Variants in SETD6 observed in about 807,000 individuals in gnomAD.
The protein encoded by SETD6 is SET domain containing 6, protein lysine methyltransferase, also known as N-lysine methyltransferase SETD6.
Under a neutral mutation model 52.7 loss-of-function variants are expected in SETD6, and 67 were observed. The observed-to-expected ratio is 1.27, with a 90% CI of 1.04 to 1.56. The LOEUF is 1.56. SETD6 is among the 40% of genes most tolerant of loss of function. The pLI is 0.00. For missense variants in SETD6, 712 were observed against 607.5 expected, an observed-to-expected ratio of 1.17 and a Z score of -1.81; for synonymous variants, 307 against 250.2, an observed-to-expected ratio of 1.23 and a Z score of -2.14.
In SETD6 at chr16:58,515,537, C is replaced by T. The variant is rs1029031036; in HGVS notation, c.-1C>T. On this transcript the variant is annotated 5_prime_UTR_variant, in exon 1 of 8. Transcript: ENST00000219315. ...CCCGCGAGGAAACGCGCTCTTAGAC[C>T]ATGGCGACCCAGGCGAAGCGTCCAC... is the stretch of plus-strand genomic sequence containing the variant. 2 of 1,588,298 alleles carry T rather than the reference C, an allele frequency of 1.3e-6. No individual in the cohort carries two copies. Among genetic ancestry groups the T allele is most frequent in the African/African-American group, 2.7e-5 (2 of 73,026 alleles).
At position 58,521,057 on chromosome 16, in the gene SETD6, C is replaced by A. The variant is rs757513240; in HGVS notation, c.*2028C>A. On this transcript the variant is annotated 3_prime_UTR_variant, in exon 8 of 8. Coordinates refer to ENST00000219315, the MANE Select transcript of SETD6 (RefSeq NM_001160305.4). Reference sequence around the variant, plus strand: ...ATAACCTGAAGGATGAAGACAGTTACAAATCTCTGATTAAAGAGTAGGCCT... The same window carrying A: ...ATAACCTGAAGGATGAAGACAGTTAAAAATCTCTGATTAAAGAGTAGGCCT... 5.6e-6 allele frequency: 9 copies of A among 1,613,996 alleles called. No individual in the cohort carries two copies. Among genetic ancestry groups the A allele is most frequent in the South Asian group, 3.3e-5 (3 of 91,090 alleles).
chr16:58,519,187 G>A lies in SETD6; in HGVS notation c.*158G>A. ...GGTGTGCTAGGATTAACTCAGGTAA[G>A]GGTGATGTGTTTTAGGATTGAGAAC... On this transcript the variant is annotated 3_prime_UTR_variant, in exon 8 of 8. Transcript: ENST00000219315. 3 of 682,868 alleles carry A rather than the reference G, an allele frequency of 4.4e-6. No individual in the cohort carries two copies. In the South Asian group the frequency reaches 5.9e-5, roughly 14 times the overall value. The allele number at this position is 682,868 out of a possible 1,614,324, so 42.3% of individuals were successfully genotyped here.
chr16:58,516,124 T>TGGGGC (rs751813435), intron 2 of SETD6, 27 bp downstream of exon 2: 42,921 of 410,176 alleles, frequency 0.1, 2,199 homozygotes, highest in African/African-American at 0.27. Context: ...GCTAGGGCCC[T>TGGGGC]GGGGCGGGGC....
At position 58,520,663 on chromosome 16, in the gene SETD6, C is replaced by T; in HGVS notation, c.*1634C>T. 2 of 415,222 alleles carry T rather than the reference C, an allele frequency of 4.8e-6. No homozygotes were observed. Among genetic ancestry groups the T allele is most frequent in the Non-Finnish European group, 8.9e-6 (2 of 223,840 alleles). The allele number at this position is 415,222 out of a possible 1,614,324, so 25.7% of individuals were successfully genotyped here. On this transcript the variant is annotated 3_prime_UTR_variant, in exon 8 of 8. Transcript: ENST00000219315. ...GTTTATGTACTTGCCTTGGACACAG[C>T]TTGCACAAAGCCAAGAAGTTCCAGA... is the stretch of plus-strand genomic sequence containing the variant.
chr16:58,520,287 A>C lies in SETD6; in HGVS notation c.*1258A>C, dbSNP rs527946873. ...TAGGCCTGGTCTGGTTTCCCTTTAT[A>C]TAAAGAGCTGACCCCCATCTCAGGC... On this transcript the variant is annotated 3_prime_UTR_variant, in exon 8 of 8. Coordinates refer to ENST00000219315, the MANE Select transcript of SETD6 (RefSeq NM_001160305.4). The C allele has an allele frequency of 2.0e-5, 3 of 152,272 alleles. No homozygotes were observed. Among genetic ancestry groups the C allele is most frequent in the Admixed American group, 6.5e-5 (1 of 15,284 alleles). The allele number at this position is 152,272 out of a possible 1,614,324, so 9.4% of individuals were successfully genotyped here.
chr16:58,518,728 T>C lies in SETD6; in HGVS notation c.1121T>C (p.Leu374Pro), dbSNP rs956136629. The C allele has an allele frequency of 1.5e-5, 25 of 1,613,370 alleles. No individual in the cohort carries two copies. The highest frequency in any genetic ancestry group is 2.0e-5 in the Non-Finnish European group (24 of 1,179,734). The change falls in exon 8 of 8, where the codon CTG becomes CCG. Residue 374 changes from leucine to proline, a missense_variant. Leu to Pro is a moderately conservative substitution (Grantham distance 98, BLOSUM62 -3). Transcript: ENST00000219315. Reference protein sequence around the residue: ...EEELTTTLKVLCMPAEEFREL... With the variant: ...EEELTTTLKVPCMPAEEFREL... ...GAGCTCTGTGGTTGCTTCTAGGTAC[T>C]GTGCATGCCTGCTGAGGAGTTCAGA...
At position 58,515,560 on chromosome 16, in the gene SETD6, C is replaced by A; in HGVS notation, c.23C>A (p.Pro8Gln). The A allele has an allele frequency of 6.3e-7, 1 of 1,586,958 alleles. No individual in the cohort carries two copies. Among genetic ancestry groups the A allele is most frequent in the Admixed American group, 1.7e-5 (1 of 57,788 alleles). Residue 8 changes from proline to glutamine, a missense_variant, in exon 1 of 8, where the codon CCA becomes CAA. Transcript: ENST00000219315. Reference protein sequence around the residue: MATQAKRPRVAGPVDGGD... With the variant: MATQAKRQRVAGPVDGGD... ...ACCATGGCGACCCAGGCGAAGCGTCCACGGGTGAGTGGCGGGCGCGGGGTC... is the reference window on the plus strand; with the variant it reads ...ACCATGGCGACCCAGGCGAAGCGTCAACGGGTGAGTGGCGGGCGCGGGGTC...
chr16:58,516,768 C>A (rs765507593), intron 4 of SETD6, 40 bp from the exon 5 acceptor site: 2 of 1,613,114 alleles, frequency 1.2e-6, no homozygotes, highest in Non-Finnish European at 1.7e-6. Flanking sequence ...CCCAGTCCCT[C>A]ACCCAAGACA....
chr16:58,518,471 A>G lies in SETD6; in HGVS notation c.1044A>G (p.Val348=), dbSNP rs757374904. 6.3e-7 allele frequency: 1 copy of G among 1,589,108 alleles called. No homozygotes were observed. Among genetic ancestry groups the G allele is most frequent in the Non-Finnish European group, 8.5e-7 (1 of 1,174,320 alleles). Residue 348 remains valine, a synonymous_variant, in exon 7 of 8, where the codon GTA becomes GTG. Transcript: ENST00000219315. ...ATTTCCTATGCAAACTGGAGATGGT[A>G]GGGGAAGAGGGAGCCTTTGTGATAG... The part of the protein sequence containing the change: ...RWDFLCKLEM[V]GEEGAFVIGR...
Position 58,516,236 on chromosome 16 carries a change from G to A in SETD6, c.369G>A (p.Val123=). Residue 123 remains valine, a synonymous_variant, in exon 3 of 8, where the codon GTG becomes GTA. Coordinates refer to ENST00000219315, the MANE Select transcript of SETD6 (RefSeq NM_001160305.4). ...RVALQSQSGW[V]PLLLALLHEL... The stretch of plus-strand genomic sequence containing the variant: ...CGCTGCAGAGCCAGTCGGGCTGGGT[G>A]CCACTGCTGCTGGCGCTGCTCCACG... The A allele has an allele frequency of 6.3e-7, 1 of 1,597,708 alleles. No homozygotes were observed. Among genetic ancestry groups the A allele is most frequent in the Non-Finnish European group, 8.5e-7 (1 of 1,179,358 alleles).
At chr16:58,517,746 G>C in intron 5 of SETD6, 1 of 403,464 alleles carries the variant, frequency 2.5e-6, no homozygotes, top group Non-Finnish European at 4.6e-6. Context: ...TAAGTGCTGG[G>C]ATTACAGGTG....
At position 58,523,317 on chromosome 16, in the gene SETD6, A is replaced by T; in HGVS notation, c.*4288A>T. On this transcript the variant is annotated 3_prime_UTR_variant, in exon 8 of 8. Transcript: ENST00000219315. ...AAAGCATAAAGAGGAAAAAAAAAAG[A>T]TGAAAGGGAGGAGATCCTTTTGAAG... 2.0e-6 allele frequency: 3 copies of T among 1,472,036 alleles called. No homozygotes were observed. Among genetic ancestry groups the T allele is most frequent in the Non-Finnish European group, 2.7e-6 (3 of 1,092,584 alleles). 91.2% of individuals were successfully genotyped at this position (1,472,036 alleles called of 1,614,324 possible).
rs369334420 is a variant in SETD6, at chr16:58,515,520, G to T, written c.-18G>T. 3 of 1,581,888 alleles carry T rather than the reference G, an allele frequency of 1.9e-6. No individual in the cohort carries two copies. Among genetic ancestry groups the T allele is most frequent in the Non-Finnish European group, 2.6e-6 (3 of 1,169,108 alleles). On this transcript the variant is annotated 5_prime_UTR_variant, in exon 1 of 8. Transcript: ENST00000219315. Reference sequence around the variant, plus strand: ...ACCGCGCGGTGCGCCGGCCCGCGAGGAAACGCGCTCTTAGACCATGGCGAC... The same window carrying T: ...ACCGCGCGGTGCGCCGGCCCGCGAGTAAACGCGCTCTTAGACCATGGCGAC...
In SETD6 at chr16:58,519,706, G is replaced by C. The variant is rs1597382894; in HGVS notation, c.*677G>C. 1 of 151,478 alleles carries C rather than the reference G, an allele frequency of 6.6e-6. No individual in the cohort carries two copies. Among genetic ancestry groups the C allele is most frequent in the East Asian group, 1.9e-4 (1 of 5,190 alleles). The allele number at this position is 151,478 out of a possible 1,614,324, so 9.4% of individuals were successfully genotyped here. On this transcript the variant is annotated 3_prime_UTR_variant, in exon 8 of 8. Coordinates refer to ENST00000219315, the MANE Select transcript of SETD6 (RefSeq NM_001160305.4). ...ATTAAAACTGGGTATTTTAAACTCA[G>C]CTTAACCAGATAAACCTGCTCCAGC...
Position 58,518,792 on chromosome 16 carries a change from G to A in SETD6, c.1185G>A (p.Arg395=), listed in dbSNP as rs1334839674. The change falls in exon 8 of 8, where the codon AGG becomes AGA. Residue 395 remains arginine, a synonymous_variant. Coordinates refer to ENST00000219315, the MANE Select transcript of SETD6 (RefSeq NM_001160305.4). ...KDQDGGGDDK[R]EEGSLTITNI... The stretch of plus-strand genomic sequence containing the variant: ...AGGATGGAGGGGGAGATGATAAAAG[G>A]GAAGAGGGCAGCCTGACGATCACAA... 1.7e-5 allele frequency: 27 copies of A among 1,614,052 alleles called. No homozygotes were observed. Among genetic ancestry groups the A allele is most frequent in the Non-Finnish European group, 2.1e-5 (25 of 1,180,042 alleles).
In SETD6 at chr16:58,518,604, A is replaced by G. The variant is rs895291025; in HGVS notation, c.1116+61A>G. On this transcript the variant is annotated intron_variant, in intron 7 of 7. Coordinates refer to ENST00000219315, the MANE Select transcript of SETD6 (RefSeq NM_001160305.4). ...TCTAAGTATTTAAAGCAAAATAGCT[A>G]GAAGATGAGAGAGGAAATGTGGGAT... 2.5e-6 allele frequency: 4 copies of G among 1,579,870 alleles called. No individual in the cohort carries two copies. In the African/African-American group the frequency reaches 5.5e-5, roughly 22 times the overall value.
chr16:58,519,310 AG>A lies in SETD6; in HGVS notation c.*282del. 1 of 355,510 alleles carries A rather than the reference AG, an allele frequency of 2.8e-6. No individual in the cohort carries two copies. Among genetic ancestry groups the A allele is most frequent in the Non-Finnish European group, 5.1e-6 (1 of 195,254 alleles). 22.0% of individuals were successfully genotyped at this position (355,510 alleles called of 1,614,324 possible). On this transcript the variant is annotated 3_prime_UTR_variant, in exon 8 of 8. Coordinates refer to ENST00000219315, the MANE Select transcript of SETD6 (RefSeq NM_001160305.4). ...AGCCAGTGGACATACGGTAGTAATA[AG>A]TAAGTCTTGTTGTGTTTCAGCATTT... is the stretch of plus-strand genomic sequence containing the variant.
rs756862154 is a variant in SETD6, at chr16:58,518,119, A to G, written c.861A>G (p.Gln287=). 4.3e-6 allele frequency: 7 copies of G among 1,614,242 alleles called. No individual in the cohort carries two copies. The South Asian group carries it at 7.7e-5, about 18-fold the overall frequency. ...KGHEIFNTYG[Q]MANWQLIHMY... is the part of the protein sequence containing the mutation. The stretch of plus-strand genomic sequence containing the variant: ...ATGAGATTTTCAACACTTATGGGCA[A>G]ATGGCTAACTGGCAACTGATTCATA... Residue 287 remains glutamine, a synonymous_variant, in exon 6 of 8, where the codon CAA becomes CAG. Coordinates refer to ENST00000219315, the MANE Select transcript of SETD6 (RefSeq NM_001160305.4).
At position 58,516,379 on chromosome 16, in the gene SETD6, C is replaced by T. The variant is rs763404809; in HGVS notation, c.476+36C>T. 1.5e-5 allele frequency: 24 copies of T among 1,585,278 alleles called. No homozygotes were observed. The Admixed American group carries it at 3.2e-4, about 21-fold the overall frequency. On this transcript the variant is annotated intron_variant, in intron 3 of 7. Transcript: ENST00000219315. ...TGGGAGGGGTTGGGGAGCGCCTGCA[C>T]CGTAGCCTGCTGCAAGAAGTTTCCC...
Sources: gnomAD v4.1 joint callset for allele counts on GRCh38, gnomAD v4.1.1 for gene constraint, MANE v1.5 for transcripts, NCBI Gene and HGNC (gene_info 2026-07-23, HGNC 2026-07-21) for gene names.